Variants in KHDRBS3 observed in about 807,000 individuals in gnomAD.
KHDRBS3 encodes the protein KH RNA binding domain containing, signal transduction associated 3, also known as KH domain-containing, RNA-binding, signal transduction-associated protein 3.
A neutral mutation model predicts 45.6 loss-of-function variants in KHDRBS3; 23 were observed. The ratio of observed to expected loss-of-function variants is 0.50; its 90% confidence interval spans 0.36 to 0.72. The LOEUF is 0.72. Among genes scored for constraint, KHDRBS3 ranks in the 30% least tolerant of loss-of-function variants. The pLI is 0.00. For missense variants in KHDRBS3, 352 were observed against 424.8 expected (o/e 0.83, Z 1.51); for synonymous variants, 162 against 156.5 (o/e 1.04, Z -0.26).
At chr8:135,532,756 G>T (rs548846840) in intron 2 of KHDRBS3, among the ~76,000 whole-genome samples, 62 of 152,092 alleles carry the variant, frequency 4.1e-4, no homozygotes, top group African/African-American at 1.4e-3. Flanking sequence ...CTGACTCCAG[G>T]GCCTATGCTT....
intron 3 of KHDRBS3, among the ~76,000 whole-genome samples, chr8:135,546,433 T>C (rs914775187): frequency 1.3e-5 from 2 of 152,232 alleles, no homozygotes; most frequent in African/African-American, 4.8e-5. Context: ...TCATTATTGA[T>C]GTATATTAGT....
chr8:135,625,248 G>A, intron 7 of KHDRBS3: 1 of 1,377,474 alleles, frequency 7.3e-7, no homozygotes, highest in Non-Finnish European at 1.0e-6. Flanking sequence ...CTTCATCTGT[G>A]GCATACAGAA....
chr8:135,536,999 G>GAAAAAAAAAAAA lies in KHDRBS3; in HGVS notation c.208-5654_208-5653insAAAAAAAAAAAA, dbSNP rs1375807666. ...AAAAAAAAAAAAAAAAAAAAAAAAG[G>GAAAAAAAAAAAA]AGATGTTTAGGAGGTAAAATCATTA... is the stretch of plus-strand genomic sequence containing the variant. On this transcript the variant is annotated intron_variant, in intron 2 of 8. Transcript: ENST00000355849. 5.4e-4 allele frequency among the ~76,000 whole-genome samples: 16 copies of GAAAAAAAAAAAA among 29,412 alleles called. 1 individual carries two copies. The highest frequency in any genetic ancestry group is 1.7e-3 in the African/African-American group (16 of 9,556). 19.3% of individuals were successfully genotyped at this position (29,412 alleles called of 152,430 possible).
chr8:135,590,366 G>A (rs956132772), intron 6 of KHDRBS3, among the ~76,000 whole-genome samples: 1 of 152,184 alleles, frequency 6.6e-6, no homozygotes, highest in Non-Finnish European at 1.5e-5. Context: ...TCTCTTCAGA[G>A]TGACCATCTG....
intron 7 of KHDRBS3, among the ~76,000 whole-genome samples, chr8:135,621,119 T>A (rs1302203032): frequency 7.7e-6 from 1 of 130,094 alleles, no homozygotes; most frequent in Non-Finnish European, 1.6e-5. Context: ...GAATCACCTA[T>A]GCAGCCTTAA....
At chr8:135,488,906 G>T (rs947399056) in intron 1 of KHDRBS3, among the ~76,000 whole-genome samples, 2 of 152,174 alleles carry the variant, frequency 1.3e-5, no homozygotes, top group African/African-American at 2.4e-5. Flanking sequence ...TTAAATGTTT[G>T]TTCCCAGCTA....
intron 8 of KHDRBS3, 91 bp from the exon 9 acceptor site, chr8:135,646,902 C>A (rs1831312712): frequency 2.7e-6 from 2 of 741,666 alleles, no homozygotes; most frequent in Middle Eastern, 2.4e-4. Flanking sequence ...ATGACATGTA[C>A]CTTTGGTTCA....
At chr8:135,637,299 T>G (rs2131165621) in intron 7 of KHDRBS3, among the ~76,000 whole-genome samples, 1 of 152,342 alleles carries the variant, frequency 6.6e-6, no homozygotes, top group African/African-American at 2.4e-5. Flanking sequence ...TTTCATTTAT[T>G]TTGCTTTATT....
At chr8:135,647,787 A>C (rs2131213181), downstream of KHDRBS3, 1 of 152,350 alleles carries the variant, frequency 6.6e-6, no homozygotes, top group African/African-American at 2.4e-5. Context: ...TTATATACTC[A>C]CCATAGATTT....
At chr8:135,532,741 G>A (rs1186905287) in intron 2 of KHDRBS3, among the ~76,000 whole-genome samples, 1 of 152,088 alleles carries the variant, frequency 6.6e-6, no homozygotes, top group Non-Finnish European at 1.5e-5. Context: ...TTGAATCCTA[G>A]AAGTCTGACT....
chr8:135,625,647 T>C (rs543956048), intron 7 of KHDRBS3: 43 of 841,648 alleles, frequency 5.1e-5, no homozygotes, highest in Admixed American at 4.8e-4. Context: ...AAAAAACTTC[T>C]TGAAACACTG....
chr8:135,502,745 T>C (rs930924649), intron 1 of KHDRBS3, among the ~76,000 whole-genome samples: 1 of 152,176 alleles, frequency 6.6e-6, no homozygotes, highest in African/African-American at 2.4e-5. Context: ...TAGGGAACAT[T>C]GAGAGCATGT....
intron 1 of KHDRBS3, among the ~76,000 whole-genome samples, chr8:135,521,034 C>T (rs1824877501): frequency 6.6e-6 from 1 of 152,080 alleles, no homozygotes; most frequent in Non-Finnish European, 1.5e-5. Flanking sequence ...TGAGATTTGA[C>T]TTTGTAGAGC....
At chr8:135,568,560 T>A (rs1280773351) in intron 5 of KHDRBS3, among the ~76,000 whole-genome samples, 2 of 151,578 alleles carry the variant, frequency 1.3e-5, no homozygotes, top group Non-Finnish European at 2.9e-5. Flanking sequence ...TGCCAGGGAG[T>A]TAAGAGTGTT....
chr8:135,557,866 G>T (rs1444141068), intron 5 of KHDRBS3, among the ~76,000 whole-genome samples: 3 of 152,084 alleles, frequency 2.0e-5, no homozygotes, highest in African/African-American at 7.2e-5. Flanking sequence ...TAAGCCTATG[G>T]TCAAACAATG....
At position 135,646,744 on chromosome 8, in the gene KHDRBS3, T is replaced by C. The variant is rs58105712; in HGVS notation, c.950-249T>C. 8.8e-3 allele frequency among the ~76,000 whole-genome samples: 1,336 copies of C among 152,314 alleles called. 13 individuals are homozygous for C. Among genetic ancestry groups the C allele is most frequent in the African/African-American group, 0.024 (990 of 41,558 alleles). On this transcript the variant is annotated intron_variant, in intron 8 of 8. Transcript: ENST00000355849. ...AAAAGGAAAGTCCTTGCGAAGTTGG[T>C]TACCATTTCAGATACAAGAACCGTT...
At chr8:135,651,544 G>T (rs770572254), downstream of KHDRBS3, among the ~76,000 whole-genome samples, 2 of 152,070 alleles carry the variant, frequency 1.3e-5, no homozygotes, top group Non-Finnish European at 2.9e-5. Context: ...TGTAGGTTCT[G>T]CTAAGAAGCT....
intron 7 of KHDRBS3, among the ~76,000 whole-genome samples, chr8:135,640,933 G>A (rs569607111): frequency 2.0e-5 from 3 of 152,292 alleles, no homozygotes; most frequent in Non-Finnish European, 2.9e-5. Context: ...TACAAGAAAC[G>A]AAATGCTGTG....
chr8:135,556,333 TA>T (rs1469076668), intron 4 of KHDRBS3, among the ~76,000 whole-genome samples: 1 of 152,248 alleles, frequency 6.6e-6, no homozygotes, highest in Non-Finnish European at 1.5e-5. Context: ...GTAGTTGAAC[TA>T]ATTTAAACTC....
Sources: gnomAD v4.1 joint callset for allele counts (sites outside exome capture counted in the v4.1 genomes callset) on GRCh38, gnomAD v4.1.1 for gene constraint, MANE v1.5 for transcripts, NCBI Gene and HGNC (gene_info 2026-07-23, HGNC 2026-07-21) for gene names.